The following ASTN2 variants were observed in gnomAD, a reference collection of about 807,000 sequenced individuals.
The protein encoded by ASTN2 is astrotactin 2.
In ASTN2, 54 loss-of-function variants were observed where a neutral mutation model predicts 139.8. That is an observed-to-expected ratio of 0.39 (90% CI 0.31 to 0.48). ASTN2 has a LOEUF of 0.48. Among genes scored for constraint, ASTN2 ranks in the 20% least tolerant of loss-of-function variants. ASTN2 has a pLI of 0.95. For synonymous variants in ASTN2, 756 were observed against 719.5 expected (o/e 1.05, Z -0.81); for missense variants, 1,565 against 1,725.1 (o/e 0.91, Z 1.64).
chr9:117,270,989 T>C (rs1834049842), intron 2 of ASTN2, among the ~76,000 whole-genome samples: 1 of 152,220 alleles, frequency 6.6e-6, no homozygotes, highest in African/African-American at 2.4e-5. Flanking sequence ...ACAGATACTT[T>C]CAAATGGACA....
intron 19 of ASTN2, among the ~76,000 whole-genome samples, chr9:116,580,150 G>C (rs973552544): frequency 2.0e-5 from 3 of 152,212 alleles, no homozygotes; most frequent in African/African-American, 7.2e-5. Flanking sequence ...AAGAAAGTTA[G>C]AAGATAACTA....
chr9:117,389,746 G>A (rs756118389), intron 1 of ASTN2, among the ~76,000 whole-genome samples: 9 of 151,918 alleles, frequency 5.9e-5, no homozygotes, highest in Middle Eastern at 6.8e-3. Context: ...CTAGGTATGC[G>A]GTATTGAAAA....
intron 13 of ASTN2, among the ~76,000 whole-genome samples, chr9:116,794,513 T>C (rs1019763707): frequency 6.6e-6 from 1 of 152,180 alleles, no homozygotes; most frequent in South Asian, 2.1e-4. Flanking sequence ...GTTTAGACCA[T>C]GTGCATGTGC....
intron 10 of ASTN2, among the ~76,000 whole-genome samples, chr9:116,967,409 C>T (rs1480867436): frequency 6.6e-6 from 1 of 152,080 alleles, no homozygotes; most frequent in Admixed American, 6.5e-5. Context: ...TAAGTGGGTT[C>T]CCTATTGAAG....
intron 1 of ASTN2, among the ~76,000 whole-genome samples, chr9:117,364,297 C>T (rs1258319622): frequency 6.6e-6 from 1 of 152,144 alleles, no homozygotes; most frequent in Non-Finnish European, 1.5e-5. Context: ...AGCATCAACC[C>T]AATAAAGACC....
intron 13 of ASTN2, among the ~76,000 whole-genome samples, chr9:116,796,154 C>T (rs537325576): frequency 6.6e-6 from 1 of 152,246 alleles, no homozygotes; most frequent in South Asian, 2.1e-4. Context: ...TATCTCAACA[C>T]CAGGAAGTGG....
intron 20 of ASTN2, among the ~76,000 whole-genome samples, chr9:116,458,075 T>C (rs1315124509): frequency 6.6e-6 from 1 of 151,932 alleles, no homozygotes; most frequent in Non-Finnish European, 1.5e-5. Flanking sequence ...GAGGACATTA[T>C]GTTAAGTGAA....
chr9:116,525,461 G>A (rs1045311396), intron 19 of ASTN2, among the ~76,000 whole-genome samples: 5 of 152,128 alleles, frequency 3.3e-5, no homozygotes, highest in African/African-American at 9.7e-5. Context: ...CTTCCTCATC[G>A]GCCCTCCCCT....
At chr9:116,752,623 C>A (rs1829429079) in intron 13 of ASTN2, among the ~76,000 whole-genome samples, 1 of 152,094 alleles carries the variant, frequency 6.6e-6, no homozygotes, top group Admixed American at 6.6e-5. Context: ...ACAAAACATA[C>A]ATCTGCTAAA....
In ASTN2 at chr9:116,914,547, T is replaced by TTTATTATTATTA. The variant is rs144153990; in HGVS notation, c.1890-50826_1890-50815dup. Among the ~76,000 whole-genome samples the TTTATTATTATTA allele has an allele frequency of 2.5e-3, 365 of 146,910 alleles. 2 individuals carry two copies. The highest frequency in any genetic ancestry group is 8.7e-3 in the African/African-American group (347 of 40,092). ...CTCTGTGCCAGACACTGTAAAGTGT[T>TTTATTATTATTA]TTATTATTATTATTATTATTATTAT... On this transcript the variant is annotated intron_variant, in intron 10 of 22. Transcript: ENST00000313400.
chr9:116,529,008 G>C (rs564717048), intron 19 of ASTN2, among the ~76,000 whole-genome samples: 50 of 152,310 alleles, frequency 3.3e-4, no homozygotes, highest in African/African-American at 1.2e-3. Context: ...GCAATGCAGA[G>C]GGGAAATGTG....
At chr9:116,878,968 A>G (rs892691178) in intron 10 of ASTN2, among the ~76,000 whole-genome samples, 9 of 151,846 alleles carry the variant, frequency 5.9e-5, no homozygotes, top group Non-Finnish European at 8.8e-5. Context: ...CCCCTGGTTC[A>G]GGGTGTGCCC....
At chr9:116,541,396 C>G (rs1851871124) in intron 19 of ASTN2, among the ~76,000 whole-genome samples, 1 of 152,128 alleles carries the variant, frequency 6.6e-6, no homozygotes, top group Non-Finnish European at 1.5e-5. Context: ...ATCTTATGAG[C>G]CACTGCAAGT....
intron 1 of ASTN2, among the ~76,000 whole-genome samples, chr9:117,372,338 A>C (rs1054765999): frequency 6.6e-6 from 1 of 152,198 alleles, no homozygotes; most frequent in African/African-American, 2.4e-5. Flanking sequence ...GATCAGTCAG[A>C]TATTGGTACT....
intron 10 of ASTN2, among the ~76,000 whole-genome samples, chr9:116,956,442 A>G (rs1588439692): frequency 6.8e-6 from 1 of 147,452 alleles, no homozygotes; most frequent in African/African-American, 2.5e-5. Context: ...CATATATATT[A>G]TATATAATAT....
chr9:116,513,651 T>A (rs575622612), intron 19 of ASTN2, among the ~76,000 whole-genome samples: 1 of 152,238 alleles, frequency 6.6e-6, no homozygotes, highest in Non-Finnish European at 1.5e-5. Flanking sequence ...CAGACGTAGA[T>A]TTGGTCTTTT....
intron 16 of ASTN2, among the ~76,000 whole-genome samples, chr9:116,689,396 A>G (rs1860449775): frequency 6.6e-6 from 1 of 152,220 alleles, no homozygotes; most frequent in Non-Finnish European, 1.5e-5. Context: ...GGCACATAGT[A>G]AGTTCTCAAA....
At chr9:117,180,569 C>A in intron 3 of ASTN2, 2 of 765,888 alleles carry the variant, frequency 2.6e-6, no homozygotes, top group Non-Finnish European at 4.2e-6. Flanking sequence ...TCACAGCAAT[C>A]ATTTATTGAC....
At chr9:117,096,369 T>C (rs546280577) in intron 4 of ASTN2, among the ~76,000 whole-genome samples, 19 of 152,292 alleles carry the variant, frequency 1.2e-4, no homozygotes, top group African/African-American at 4.6e-4. Flanking sequence ...CTGTGTGACC[T>C]TGAAGAGAAA....
Sources: gnomAD v4.1 joint callset for allele counts (sites outside exome capture counted in the v4.1 genomes callset) on GRCh38, gnomAD v4.1.1 for gene constraint, MANE v1.5 for transcripts, NCBI Gene and HGNC (gene_info 2026-07-23, HGNC 2026-07-21) for gene names.